Variants in FBXL20 observed in about 807,000 individuals in gnomAD.
FBXL20 encodes F-box and leucine rich repeat protein 20.
Under a neutral mutation model 64.0 loss-of-function variants are expected in FBXL20, and 11 were observed. The observed-to-expected ratio is 0.17, with a 90% CI of 0.11 to 0.28. FBXL20 has a LOEUF of 0.28. Ranked by LOEUF, FBXL20 falls within the 10% of genes least tolerant of loss-of-function variation. The pLI, the probability that FBXL20 is intolerant of heterozygous loss-of-function variation, is 1.00. For missense variants in FBXL20, 303 were observed against 526.2 expected (o/e 0.58, Z 4.15); for synonymous variants, 184 against 189.0 (o/e 0.97, Z 0.22).
intron 2 of FBXL20, among the ~76,000 whole-genome samples, chr17:39,332,883 A>T (rs961105475): frequency 2.0e-5 from 3 of 152,160 alleles, no homozygotes; most frequent in African/African-American, 7.2e-5. Context: ...GTATGACTAC[A>T]TGATGAGTCC....
chr17:39,306,638 C>G (rs955680214), intron 2 of FBXL20, among the ~76,000 whole-genome samples: 1 of 152,176 alleles, frequency 6.6e-6, no homozygotes, highest in African/African-American at 2.4e-5. Context: ...CAGTATCACA[C>G]TATTTTAAAT....
intron 6 of FBXL20, among the ~76,000 whole-genome samples, chr17:39,296,724 T>C (rs927789375): frequency 6.6e-6 from 1 of 152,146 alleles, no homozygotes; most frequent in Non-Finnish European, 1.5e-5. Flanking sequence ...AGTGAATCAT[T>C]TTCATTTAAT....
At chr17:39,291,418 T>G (rs1835161343) in intron 6 of FBXL20, among the ~76,000 whole-genome samples, 1 of 150,244 alleles carries the variant, frequency 6.7e-6, no homozygotes, top group Admixed American at 6.8e-5. Context: ...AGATTCTTGA[T>G]TTTAAAACTT....
intron 1 of FBXL20, among the ~76,000 whole-genome samples, chr17:39,357,409 TTA>T (rs2047752959): frequency 6.6e-6 from 1 of 152,190 alleles, no homozygotes; most frequent in Admixed American, 6.6e-5. Context: ...ACATATATCT[TTA>T]TGTCAACAAT....
At chr17:39,333,270 C>A (rs547114395) in intron 2 of FBXL20, among the ~76,000 whole-genome samples, 3 of 152,330 alleles carry the variant, frequency 2.0e-5, no homozygotes, top group African/African-American at 7.2e-5. Context: ...CTCAGCCTGC[C>A]GAGTGCCTGG....
chr17:39,359,083 C>T lies in FBXL20; in HGVS notation c.43-15842G>A, dbSNP rs1459633988. ...GCGCAGTGGCTCACGCCTATAATCC[C>T]ACCACACCACTTTGGGAGGCTGCTG... On this transcript the variant is annotated intron_variant, in intron 1 of 14. Transcript: ENST00000264658. Among the ~76,000 whole-genome samples, 4 of 152,294 alleles carry T rather than the reference C, an allele frequency of 2.6e-5. No homozygotes were observed. In the South Asian group the frequency reaches 8.3e-4, roughly 32 times the overall value.
At chr17:39,328,630 C>T (rs1382416590) in intron 2 of FBXL20, among the ~76,000 whole-genome samples, 1 of 152,168 alleles carries the variant, frequency 6.6e-6, no homozygotes, top group Non-Finnish European at 1.5e-5. Flanking sequence ...TACAATGGAA[C>T]TCCAACTAAT....
At chr17:39,393,512 G>T (rs55927957) in intron 1 of FBXL20, among the ~76,000 whole-genome samples, 15,618 of 152,068 alleles carry the variant, frequency 0.1, 853 homozygotes, top group African/African-American at 0.15. Context: ...TAGCACCATA[G>T]TAATGCCTAA....
At chr17:39,347,154 T>G (rs1438329446) in intron 1 of FBXL20, among the ~76,000 whole-genome samples, 1 of 152,204 alleles carries the variant, frequency 6.6e-6, no homozygotes, top group African/African-American at 2.4e-5. Flanking sequence ...TAAACATACA[T>G]GTGCATGTGT....
chr17:39,352,359 T>C (rs897828243), intron 1 of FBXL20, among the ~76,000 whole-genome samples: 1 of 151,716 alleles, frequency 6.6e-6, no homozygotes, highest in Non-Finnish European at 1.5e-5. Context: ...CGAGACCCCA[T>C]GTCTGAAAAA....
chr17:39,329,095 A>G (rs747262069), intron 2 of FBXL20, among the ~76,000 whole-genome samples: 19 of 152,126 alleles, frequency 1.2e-4, no homozygotes, highest in Non-Finnish European at 2.5e-4. Context: ...TTACCATAGG[A>G]CATTCTTTAA....
At chr17:39,348,466 A>G (rs893359898) in intron 1 of FBXL20, among the ~76,000 whole-genome samples, 4 of 123,352 alleles carry the variant, frequency 3.2e-5, no homozygotes, top group African/African-American at 1.8e-4. Context: ...CTCAAAAAAA[A>G]GAAAAAAAAA....
intron 2 of FBXL20, among the ~76,000 whole-genome samples, chr17:39,306,158 T>A (rs2047180767): frequency 6.6e-6 from 1 of 150,762 alleles, no homozygotes; most frequent in South Asian, 2.1e-4. Flanking sequence ...TGAGTTCTTT[T>A]TTTTTTTTTT....
At chr17:39,280,461 G>A (rs1422348134) in intron 9 of FBXL20, among the ~76,000 whole-genome samples, 3 of 151,196 alleles carry the variant, frequency 2.0e-5, no homozygotes, top group Admixed American at 2.0e-4. Flanking sequence ...AATGCAGAAG[G>A]CTGAGGCAGG....
intron 14 of FBXL20, among the ~76,000 whole-genome samples, chr17:39,263,226 T>C (rs2046763205): frequency 1.3e-5 from 2 of 150,060 alleles, no homozygotes; most frequent in South Asian, 4.2e-4. Flanking sequence ...ACAAAATAGT[T>C]TTTTAAGGCC....
At chr17:39,315,649 G>C (rs987364964) in intron 2 of FBXL20, among the ~76,000 whole-genome samples, 2 of 151,832 alleles carry the variant, frequency 1.3e-5, no homozygotes, top group Non-Finnish European at 2.9e-5. Context: ...TGAATGGGCA[G>C]CCTTGGGTAG....
In FBXL20 at chr17:39,254,179, G is replaced by A. The variant is rs2046674777; in HGVS notation, c.*7281C>T. 1.3e-5 allele frequency: 2 copies of A among 152,288 alleles called. No individual in the cohort carries two copies. The highest frequency in any genetic ancestry group is 6.6e-5 in the Admixed American group (1 of 15,264). 9.4% of individuals were successfully genotyped at this position (152,288 alleles called of 1,614,324 possible). On this transcript the variant is annotated 3_prime_UTR_variant, in exon 15 of 15. Coordinates refer to ENST00000264658, the MANE Select transcript of FBXL20 (RefSeq NM_032875.3). ...TGCAACATCCGCCTCCCAGGTTCAA[G>A]TGATTCTCTTGCCTCAGCCTCCCAA...
intron 1 of FBXL20, among the ~76,000 whole-genome samples, chr17:39,368,539 A>T (rs2047883914): frequency 2.0e-5 from 3 of 152,148 alleles, no homozygotes; most frequent in African/African-American, 7.2e-5. Flanking sequence ...TTTGTTGAGT[A>T]TACTTTTTGT....
chr17:39,321,818 A>T (rs1453390698), intron 2 of FBXL20, among the ~76,000 whole-genome samples: 1 of 151,750 alleles, frequency 6.6e-6, no homozygotes, highest in Non-Finnish European at 1.5e-5. Flanking sequence ...TGATCAGGCT[A>T]TAGTCATTTC....
Sources: allele counts gnomAD v4.1 joint callset (sites outside exome capture counted in the v4.1 genomes callset), GRCh38; gene constraint gnomAD v4.1.1; transcripts MANE v1.5; gene names NCBI Gene and HGNC (gene_info 2026-07-23, HGNC 2026-07-21).